The following MORN4 variants were observed in gnomAD, a reference collection of about 807,000 sequenced individuals.
MORN4 encodes MORN repeat containing 4, also known as MORN repeat-containing protein 4.
Under a neutral mutation model 16.4 loss-of-function variants are expected in MORN4, and 8 were observed. That is an observed-to-expected ratio of 0.49 (90% CI 0.29 to 0.88). MORN4 has a LOEUF of 0.88. Among genes scored for constraint, MORN4 ranks in the 40% least tolerant of loss-of-function variants. MORN4 has a pLI of 0.09. For missense variants in MORN4, 159 were observed against 182.9 expected, an observed-to-expected ratio of 0.87 and a Z score of 0.75; for synonymous variants, 53 against 68.9, an observed-to-expected ratio of 0.77 and a Z score of 1.14.
chr10:97,626,728 T>C (rs2041350791), intron 1 of MORN4, among the ~76,000 whole-genome samples: 1 of 150,300 alleles, frequency 6.7e-6, no homozygotes, highest in Non-Finnish European at 1.5e-5. Context: ...AGTGCTGGGA[T>C]TACAGGCATG....
At chr10:97,630,448 A>G (rs1450373316) in intron 1 of MORN4, among the ~76,000 whole-genome samples, 1 of 152,190 alleles carries the variant, frequency 6.6e-6, no homozygotes, top group African/African-American at 2.4e-5. Context: ...GTTTCAACCT[A>G]ACCCTCCCAC....
At position 97,616,143 on chromosome 10, in the gene MORN4, A is replaced by T. The variant is rs925955840; in HGVS notation, c.*120T>A. 9.4e-7 allele frequency: 1 copy of T among 1,059,270 alleles called. No homozygotes were observed. The allele number at this position is 1,059,270 out of a possible 1,614,324, so 65.6% of individuals were successfully genotyped here. On this transcript the variant is annotated 3_prime_UTR_variant, in exon 5 of 5. Transcript: ENST00000307450. ...GAATGGCAGGTGACAGGGCACATAC[A>T]AGGCCTCTGCTCCACTGTCATTGTC...
At chr10:97,619,850 A>G (rs2041272542) in intron 1 of MORN4, among the ~76,000 whole-genome samples, 167 bp from the exon 2 acceptor site, 1 of 152,066 alleles carries the variant, frequency 6.6e-6, no homozygotes, top group South Asian at 2.1e-4. Context: ...CAGCACCATC[A>G]TCTCCACCTC....
intron 1 of MORN4, among the ~76,000 whole-genome samples, chr10:97,632,890 A>G (rs1390434250): frequency 6.6e-6 from 1 of 152,104 alleles, no homozygotes. Context: ...CCACCCATCA[A>G]CTAAATGAAG....
intron 1 of MORN4, among the ~76,000 whole-genome samples, chr10:97,629,543 A>G (rs1321476078): frequency 6.6e-6 from 1 of 152,182 alleles, no homozygotes; most frequent in Non-Finnish European, 1.5e-5. Context: ...CAGAAAAGCC[A>G]TATATTGGTG....
rs962558800 is a variant in MORN4, at chr10:97,633,007, G to C, written c.-31+340C>G. On this transcript the variant is annotated intron_variant, in intron 1 of 4. Transcript: ENST00000307450. The surrounding 1 kb of genome is among the most constrained non-coding windows in gnomAD (Gnocchi z 4.5). Reference sequence around the variant, plus strand: ...GACCACAACAAGGCAACACCTTCTCGCACCCCATTTTCACCTTCCAGGCGC... The same window carrying C: ...GACCACAACAAGGCAACACCTTCTCCCACCCCATTTTCACCTTCCAGGCGC... Among the ~76,000 whole-genome samples, 1 of 152,038 alleles carries C rather than the reference G, an allele frequency of 6.6e-6. No individual in the cohort carries two copies. The highest frequency in any genetic ancestry group is 2.4e-5 in the African/African-American group (1 of 41,398).
Position 97,633,011 on chromosome 10 carries a change from C to G in MORN4, c.-31+336G>C, listed in dbSNP as rs972614904. On this transcript the variant is annotated intron_variant, in intron 1 of 4. Coordinates refer to ENST00000307450, the MANE Select transcript of MORN4 (RefSeq NM_178832.4). This position sits in a 1 kb window ranked among gnomAD's most constrained non-coding sequence, Gnocchi z 4.5. ...ACAACAAGGCAACACCTTCTCGCAC[C>G]CCATTTTCACCTTCCAGGCGCGTTC... Among the ~76,000 whole-genome samples the G allele has an allele frequency of 5.9e-5, 9 of 152,128 alleles. No individual in the cohort carries two copies. The highest frequency in any genetic ancestry group is 1.7e-4 in the African/African-American group (7 of 41,432).
At chr10:97,625,266 G>A (rs747587980) in intron 1 of MORN4, among the ~76,000 whole-genome samples, 20 of 152,180 alleles carry the variant, frequency 1.3e-4, no homozygotes, top group Non-Finnish European at 2.4e-4. Context: ...TGGTGTTGTA[G>A]ACTCTGAGCA....
intron 1 of MORN4, among the ~76,000 whole-genome samples, chr10:97,624,221 A>G (rs530041284): frequency 3.3e-5 from 5 of 152,290 alleles, no homozygotes; most frequent in African/African-American, 1.2e-4. Flanking sequence ...ATGTTCAACT[A>G]AAACAACCCA....
At position 97,614,732 on chromosome 10, in the gene MORN4, C is replaced by G. The variant is rs1480375521; in HGVS notation, c.*1531G>C. On this transcript the variant is annotated 3_prime_UTR_variant, in exon 5 of 5. Transcript: ENST00000307450. The stretch of plus-strand genomic sequence containing the variant: ...ATTTGGGTACCAGGGTAACGGGAGG[C>G]CTACGTAATAAACTGCAGAGATCCC... The G allele has an allele frequency of 7.9e-5, 12 of 152,484 alleles. No homozygotes were observed. The highest frequency in any genetic ancestry group is 7.9e-4 in the Admixed American group (12 of 15,266). The allele number at this position is 152,484 out of a possible 1,614,324, so 9.4% of individuals were successfully genotyped here.
At position 97,623,937 on chromosome 10, in the gene MORN4, C is replaced by T. The variant is rs565109377; in HGVS notation, c.-30-4254G>A. On this transcript the variant is annotated intron_variant, in intron 1 of 4. Transcript: ENST00000307450. ...TTTTTTAGTAGAGATGGAGTTTCACCGTGTTAGCCAGGATGGTCTCAATCT... is the reference window on the plus strand; with the variant it reads ...TTTTTTAGTAGAGATGGAGTTTCACTGTGTTAGCCAGGATGGTCTCAATCT... Among the ~76,000 whole-genome samples, 89 of 152,056 alleles carry T rather than the reference C, an allele frequency of 5.9e-4. 1 individual carries two copies. The highest frequency in any genetic ancestry group is 1.5e-3 in the African/African-American group (63 of 41,470).
Position 97,616,261 on chromosome 10 carries a change from T to A in MORN4, c.*2A>T. 1.3e-6 allele frequency: 2 copies of A among 1,588,284 alleles called. No individual in the cohort carries two copies. The highest frequency in any genetic ancestry group is 2.3e-5 in the South Asian group (2 of 87,356). Reference sequence around the variant, plus strand: ...ACTTATCAGCTGGTGCCCACTGCGCTGTCAGGCAGTGAGATTTCTGGCTGA... The same window carrying A: ...ACTTATCAGCTGGTGCCCACTGCGCAGTCAGGCAGTGAGATTTCTGGCTGA... On this transcript the variant is annotated 3_prime_UTR_variant, in exon 5 of 5. Transcript: ENST00000307450.
chr10:97,633,305 A>G lies in MORN4; in HGVS notation c.-31+42T>C, dbSNP rs1427260963. 7.8e-7 allele frequency: 1 copy of G among 1,286,574 alleles called. No individual in the cohort carries two copies. The highest frequency in any genetic ancestry group is 2.3e-5 in the Admixed American group (1 of 43,466). The allele number at this position is 1,286,574 out of a possible 1,614,324, so 79.7% of individuals were successfully genotyped here. On this transcript the variant is annotated intron_variant, in intron 1 of 4. Coordinates refer to ENST00000307450, the MANE Select transcript of MORN4 (RefSeq NM_178832.4). The surrounding 1 kb of genome is among the most constrained non-coding windows in gnomAD (Gnocchi z 4.5). ...TTCCTCAGTGCCCACCTGACCGATC[A>G]CACTCTTTCCCGGCCCCCTCCCTCC...
chr10:97,625,733 T>C (rs1309557549), intron 1 of MORN4, among the ~76,000 whole-genome samples: 1 of 152,232 alleles, frequency 6.6e-6, no homozygotes, highest in Non-Finnish European at 1.5e-5. Flanking sequence ...ATCAACATCC[T>C]ACAGGATATT....
intron 1 of MORN4, among the ~76,000 whole-genome samples, chr10:97,625,655 A>AT (rs1437510941): frequency 6.6e-6 from 1 of 152,228 alleles, no homozygotes; most frequent in East Asian, 1.9e-4. Flanking sequence ...AATCTCAGCA[A>AT]TTTTGACTAA....
chr10:97,628,913 T>C (rs1413310023), intron 1 of MORN4, among the ~76,000 whole-genome samples: 1 of 152,226 alleles, frequency 6.6e-6, no homozygotes, highest in East Asian at 1.9e-4. Flanking sequence ...ACTGAAAAGG[T>C]TACCTTCTTA....
chr10:97,627,069 G>T (rs2041354986), intron 1 of MORN4, among the ~76,000 whole-genome samples: 1 of 151,336 alleles, frequency 6.6e-6, no homozygotes, highest in Admixed American at 6.6e-5. Flanking sequence ...ATTTTTGTTT[G>T]TTTGTTTGTT....
chr10:97,625,326 G>A (rs2041337310), intron 1 of MORN4, among the ~76,000 whole-genome samples: 1 of 144,508 alleles, frequency 6.9e-6, no homozygotes, highest in South Asian at 2.3e-4. Context: ...TATGGGCAAG[G>A]TATTTAAGTA....
chr10:97,617,166 C>T, intron 3 of MORN4, 42 bp downstream of exon 3: 2 of 1,486,474 alleles, frequency 1.3e-6, no homozygotes, highest in Non-Finnish European at 9.4e-7. Flanking sequence ...CTGTCAGACC[C>T]TCCCTTATTT....
Sources: allele counts gnomAD v4.1 joint callset (sites outside exome capture counted in the v4.1 genomes callset), GRCh38; gene constraint gnomAD v4.1.1; non-coding constraint Gnocchi (gnomAD v3.1); transcripts MANE v1.5; gene names NCBI Gene and HGNC (gene_info 2026-07-23, HGNC 2026-07-21).